Variants in SF3B2 observed in about 807,000 individuals in gnomAD.
SF3B2 encodes the protein splicing factor 3b subunit 2, also known as SAP 145.
A neutral mutation model predicts 116.3 loss-of-function variants in SF3B2; 22 were observed. The observed-to-expected ratio is 0.19, with a 90% CI of 0.14 to 0.27. The LOEUF is 0.27. Among genes scored for constraint, SF3B2 ranks in the 10% least tolerant of loss-of-function variants. SF3B2 has a pLI of 1.00. For missense variants in SF3B2, 767 were observed against 1,151.4 expected, an observed-to-expected ratio of 0.67 and a Z score of 4.83; for synonymous variants, 406 against 421.6, an observed-to-expected ratio of 0.96 and a Z score of 0.45.
chr11:66,057,049 A>T, intron 6 of SF3B2, 94 bp downstream of exon 6: 2 of 916,680 alleles, frequency 2.2e-6, no homozygotes, highest in Admixed American at 3.7e-5. Flanking sequence ...AAAAGGGCAT[A>T]TATAGTAAAT....
Position 66,057,388 on chromosome 11 carries a change from A to G in SF3B2, c.777+13A>G. The stretch of plus-strand genomic sequence containing the variant: ...TGAGAACAGAGAGGTGAGACTGATG[A>G]TTTATTCCTAGGGATAAGAGAGTGG... On this transcript the variant is annotated intron_variant, in intron 7 of 21. Coordinates refer to ENST00000322535, the MANE Select transcript of SF3B2 (RefSeq NM_006842.3). The G allele has an allele frequency of 8.5e-7, 1 of 1,177,466 alleles. No individual in the cohort carries two copies. Among genetic ancestry groups the G allele is most frequent in the Non-Finnish European group, 1.3e-6 (1 of 786,592 alleles). The allele number at this position is 1,177,466 out of a possible 1,614,324, so 72.9% of individuals were successfully genotyped here.
Position 66,059,654 on chromosome 11 carries a change from C to T in SF3B2, c.1401+59C>T. 1 of 1,595,234 alleles carries T rather than the reference C, an allele frequency of 6.3e-7. No individual in the cohort carries two copies. The highest frequency in any genetic ancestry group is 8.6e-7 in the Non-Finnish European group (1 of 1,163,332). ...CCCAGCTGGGAGACCACCTGGGGAG[C>T]CAGGGAGGTGAAAAGGAGTTCTTTG... On this transcript the variant is annotated intron_variant, in intron 12 of 21. Coordinates refer to ENST00000322535, the MANE Select transcript of SF3B2 (RefSeq NM_006842.3). This position sits in a 1 kb window ranked among gnomAD's most constrained non-coding sequence, Gnocchi z 5.0.
At position 66,068,183 on chromosome 11, in the gene SF3B2, A is replaced by T; in HGVS notation, c.2466A>T (p.Gln822His). 6.2e-7 allele frequency: 1 copy of T among 1,614,206 alleles called. No homozygotes were observed. The highest frequency in any genetic ancestry group is 8.5e-7 in the Non-Finnish European group (1 of 1,180,044). Residue 822 changes from glutamine to histidine, a missense_variant, in exon 21 of 22, where the codon CAA becomes CAT. By Grantham distance (24) the Gln-to-His change is conservative (BLOSUM62 0). This residue lies in a region of SF3B2 where 282 missense variants were observed against 568.0 expected (regional missense o/e 0.50). Coordinates refer to ENST00000322535, the MANE Select transcript of SF3B2 (RefSeq NM_006842.3). ...MSRKGPAPEL[Q>H]GVEVALAPEE... ...GGAAGGGCCCGGCTCCTGAGCTGCA[A>T]GGTGTGGAAGTGGCGCTGGCGCCTG...
chr11:66,063,857 C>A, intron 19 of SF3B2, 128 bp downstream of exon 19: 1 of 670,690 alleles, frequency 1.5e-6, no homozygotes, highest in Non-Finnish European at 2.4e-6. Flanking sequence ...CCAGGCACTA[C>A]TGTAGGCAGT....
intron 19 of SF3B2, 91 bp from the exon 20 acceptor site, chr11:66,067,855 T>C: frequency 1.0e-6 from 1 of 976,232 alleles, no homozygotes; most frequent in Non-Finnish European, 1.6e-6. Flanking sequence ...TCCAAGGCGC[T>C]GAGTGGAGGT....
chr11:66,067,545 A>C (rs776895594), intron 19 of SF3B2: 1 of 457,878 alleles, frequency 2.2e-6, no homozygotes, highest in Non-Finnish European at 4.4e-6. Flanking sequence ...AAGGCCTGGA[A>C]GTGTGAATTA....
intron 14 of SF3B2, 89 bp downstream of exon 14, chr11:66,060,820 G>A (rs1377483068): frequency 1.4e-6 from 2 of 1,404,106 alleles, no homozygotes; most frequent in African/African-American, 2.9e-5. Context: ...GTTTAAAAAA[G>A]ATGGAGTCTC....
chr11:66,065,203 T>C (rs1321677447), intron 19 of SF3B2: 1 of 152,208 alleles, frequency 6.6e-6, no homozygotes, highest in Non-Finnish European at 1.5e-5. Context: ...AGCTCCTGGC[T>C]TCAAGTGATC....
Position 66,059,214 on chromosome 11 carries a change from TGAA to T in SF3B2, c.1201_1203del (p.Lys401del). On this transcript the variant is annotated inframe_deletion, in exon 11 of 22. Transcript: ENST00000322535. This position sits in a 1 kb window ranked among gnomAD's most constrained non-coding sequence, Gnocchi z 5.0. ...CTGCCTCCTTAGCTCACTGATGATG[TGAA>T]GAAGGAGAAAGAGAAGGAGCCAGAG... The T allele has an allele frequency of 1.2e-6, 2 of 1,613,904 alleles. No individual in the cohort carries two copies. The highest frequency in any genetic ancestry group is 1.7e-6 in the Non-Finnish European group (2 of 1,179,996).
At chr11:66,068,515 G>A in intron 21 of SF3B2, 159 bp from the exon 22 acceptor site, 1 of 845,448 alleles carries the variant, frequency 1.2e-6, no homozygotes, top group Non-Finnish European at 1.8e-6. Flanking sequence ...GACGATGAGG[G>A]GGAGGAACTC....
At chr11:66,067,542 G>A in intron 19 of SF3B2, 2 of 457,796 alleles carry the variant, frequency 4.4e-6, no homozygotes, top group South Asian at 3.1e-5. Flanking sequence ...TGGAAGGCCT[G>A]GAAGTGTGAA....
intron 9 of SF3B2, 81 bp downstream of exon 9, chr11:66,058,486 G>T: frequency 9.5e-7 from 1 of 1,055,136 alleles, no homozygotes; most frequent in South Asian, 1.3e-5. Flanking sequence ...TAAGTGTTCA[G>T]TAAGTAATAG....
intron 19 of SF3B2, chr11:66,065,392 G>C (rs971548042): frequency 2.0e-5 from 3 of 152,144 alleles, no homozygotes; most frequent in Non-Finnish European, 4.4e-5. Context: ...TTATTTGGCT[G>C]TTTTTAAGAT....
chr11:66,066,272 A>T (rs1449725613), intron 19 of SF3B2: 1 of 151,650 alleles, frequency 6.6e-6, no homozygotes, highest in African/African-American at 2.4e-5. Flanking sequence ...TATGGATTGT[A>T]TTTTCCTACT....
rs965547365 is a variant in SF3B2, at chr11:66,064,488, C to A, written c.2330+759C>A. 2.0e-5 allele frequency among the ~76,000 whole-genome samples: 3 copies of A among 152,148 alleles called. No individual in the cohort carries two copies. In the East Asian group the frequency reaches 5.8e-4, roughly 29 times the overall value. ...CTATATTGTCATATATTCACTTTTA[C>A]ATATGTTATAAATCCTATACTATAT... On this transcript the variant is annotated intron_variant, in intron 19 of 21. Coordinates refer to ENST00000322535, the MANE Select transcript of SF3B2 (RefSeq NM_006842.3).
Position 66,055,135 on chromosome 11 carries a change from G to T in SF3B2, c.318G>T (p.Pro106=), listed in dbSNP as rs756928979. The T allele has an allele frequency of 1.6e-6, 2 of 1,219,394 alleles. No homozygotes were observed. Among genetic ancestry groups the T allele is most frequent in the Non-Finnish European group, 2.2e-6 (2 of 897,628 alleles). The allele number at this position is 1,219,394 out of a possible 1,614,324, so 75.5% of individuals were successfully genotyped here. Residue 106 remains proline (P), a synonymous_variant, in exon 4 of 22, where the codon CCG becomes CCT. Transcript: ENST00000322535. ...PLGLPPLQPP[P]PPPPPPPGLG... ...GACTCCCCCCTCTGCAGCCTCCTCC[G>T]CCACCCCCACCACCTCCACCAGGCC...
Position 66,063,263 on chromosome 11 carries a change from G to A in SF3B2, c.2086-137G>A, listed in dbSNP as rs1007499701. 18 of 1,030,870 alleles carry A rather than the reference G, an allele frequency of 1.7e-5. No individual in the cohort carries two copies. The African/African-American group carries it at 1.8e-4, about 10-fold the overall frequency. 63.9% of individuals were successfully genotyped at this position (1,030,870 alleles called of 1,614,324 possible). A position where few individuals can be genotyped will look rare whatever the true frequency, so the allele number is the denominator to read the frequency against. On this transcript the variant is annotated intron_variant, in intron 17 of 21. Coordinates refer to ENST00000322535, the MANE Select transcript of SF3B2 (RefSeq NM_006842.3). ...ACATTTTCCTGAGATGTTAATGTAA[G>A]CTCCTCACTAGAATTTGAGCTCTAG... is the stretch of plus-strand genomic sequence containing the variant.
In SF3B2 at chr11:66,053,050, G is replaced by C. The variant is rs753774182; in HGVS notation, c.204G>C (p.Pro68=). ...TRQTGIVLNR[P]VLRGEDGDKA... is the part of the protein sequence containing the mutation. Reference sequence around the variant, plus strand: ...AGACTGGCATCGTGCTGAATCGGCCGGTTTTGAGAGGGGAAGATGGGGACA... The same window carrying C: ...AGACTGGCATCGTGCTGAATCGGCCCGTTTTGAGAGGGGAAGATGGGGACA... Residue 68 remains proline, a synonymous_variant, in exon 3 of 22, where the codon CCG becomes CCC. Transcript: ENST00000322535. The C allele has an allele frequency of 3.1e-6, 5 of 1,614,090 alleles. No homozygotes were observed. The highest frequency in any genetic ancestry group is 4.2e-6 in the Non-Finnish European group (5 of 1,180,016).
At chr11:66,055,024 C>A in intron 3 of SF3B2, 52 bp from the exon 4 acceptor site, 1 of 1,482,562 alleles carries the variant, frequency 6.7e-7, no homozygotes, top group Non-Finnish European at 9.0e-7. Flanking sequence ...CAGATATTTG[C>A]AGAATGAGTA....
Sources: allele counts gnomAD v4.1 joint callset (sites outside exome capture counted in the v4.1 genomes callset), GRCh38; gene constraint gnomAD v4.1.1; regional missense constraint gnomAD v4.1.1; non-coding constraint Gnocchi (gnomAD v3.1); transcripts MANE v1.5; gene names NCBI Gene and HGNC (gene_info 2026-07-23, HGNC 2026-07-21).